KANK1: variants seen among roughly 807,000 people sequenced by gnomAD.
The protein encoded by KANK1 is KN motif and ankyrin repeat domains 1, also known as KN motif and ankyrin repeat domain-containing protein 1.
KANK1 carries 109 observed loss-of-function variants against 106.2 expected under a neutral mutation model. That is an observed-to-expected ratio of 1.03 (90% confidence interval 0.88 to 1.20). KANK1 has a LOEUF of 1.20. Ranked by LOEUF, KANK1 falls within the 50% of genes most tolerant of loss-of-function variation. The probability of loss-of-function intolerance (pLI) is 0.00; values close to 1 mark genes in which losing one functional copy is unlikely to be tolerated. For missense variants in KANK1, 2,399 were observed against 1,710.7 expected, an observed-to-expected ratio of 1.40 and a Z score of -7.10; for synonymous variants, 873 against 652.2, an observed-to-expected ratio of 1.34 and a Z score of -5.16.
At chr9:676,321 G>A (rs1038465870) in intron 1 of KANK1, among the ~76,000 whole-genome samples, 1 of 152,158 alleles carries the variant, frequency 6.6e-6, no homozygotes, top group African/African-American at 2.4e-5. Context: ...CACAGTGGGA[G>A]ATAATGAATT....
intron 2 of KANK1, chr9:686,690 G>T (rs1429591438): frequency 4.5e-6 from 4 of 897,936 alleles, no homozygotes; most frequent in African/African-American, 1.8e-5. Context: ...CTGTTTGGCA[G>T]TGTGAGGGGA....
At chr9:575,743 C>T (rs987845940) in intron 1 of KANK1, among the ~76,000 whole-genome samples, 8 of 152,120 alleles carry the variant, frequency 5.3e-5, no homozygotes, top group African/African-American at 1.4e-4. Context: ...TAAGCTTGGC[C>T]GGGCACAGTG....
rs114497155 is a variant in KANK1 at position 556,303 on chromosome 9, C to G, written c.-84+51549C>G. Among the ~76,000 whole-genome samples the G allele has an allele frequency of 3.0e-3, 456 of 152,164 alleles. 1 individual carries two copies. The highest frequency in any genetic ancestry group is 0.011 in the African/African-American group (443 of 41,494). ...ATATAAAACTTTTCTCTGTATGTGT[C>G]TGTATCTGATGCAGTTAGAAGTTCA... On this transcript the variant is annotated intron_variant, in intron 1 of 11. Transcript: ENST00000382297.
chr9:485,811 C>G (rs1444832391), intron 3 of KANK1, among the ~76,000 whole-genome samples: 1 of 148,008 alleles, frequency 6.8e-6, no homozygotes, highest in East Asian at 2.0e-4. Context: ...GCGGAGGCTG[C>G]AGTGAGCCAA....
chr9:586,368 T>C (rs1449243921), intron 1 of KANK1, among the ~76,000 whole-genome samples: 1 of 152,172 alleles, frequency 6.6e-6, no homozygotes, highest in Non-Finnish European at 1.5e-5. Flanking sequence ...TAGGCTGTGA[T>C]CTGCAGAGGG....
Position 711,312 on chromosome 9 carries a change from C to A in KANK1, c.546C>A (p.Pro182=). ...TGACACCGGGTGAGTTCAGAAGGCCCAGGCTGGCCAGTTTTGGAGGCATGG... is the reference window on the plus strand; with the variant it reads ...TGACACCGGGTGAGTTCAGAAGGCCAAGGCTGGCCAGTTTTGGAGGCATGG... ...MQMTPGEFRR[P]RLASFGGMGT... is the part of the protein sequence containing the mutation. The change falls in exon 3 of 12, where the codon CCC becomes CCA. Residue 182 remains proline (P), a synonymous_variant. Transcript: ENST00000382297. 6.2e-7 allele frequency: 1 copy of A among 1,614,166 alleles called. No individual in the cohort carries two copies. The highest frequency in any genetic ancestry group is 8.5e-7 in the Non-Finnish European group (1 of 1,180,042).
chr9:652,205 G>A (rs1377773242), intron 1 of KANK1, among the ~76,000 whole-genome samples: 1 of 152,146 alleles, frequency 6.6e-6, no homozygotes, highest in African/African-American at 2.4e-5. Context: ...AAAGCTATAT[G>A]TAGAAGTACA....
intron 1 of KANK1, among the ~76,000 whole-genome samples, chr9:628,802 G>T (rs1027130680): frequency 7.9e-5 from 12 of 152,032 alleles, no homozygotes; most frequent in Admixed American, 1.3e-4. Flanking sequence ...TCTTGGGCCG[G>T]GCATGGTGGC....
At chr9:511,577 C>A (rs943263977) in intron 1 of KANK1, among the ~76,000 whole-genome samples, 1 of 151,900 alleles carries the variant, frequency 6.6e-6, no homozygotes, top group Non-Finnish European at 1.5e-5. Flanking sequence ...GAGGCAGTCA[C>A]CTGTCCAGAC....
intron 1 of KANK1, among the ~76,000 whole-genome samples, chr9:662,436 G>T (rs9407341): frequency 1.3e-5 from 2 of 152,054 alleles, no homozygotes; most frequent in African/African-American, 2.4e-5. Context: ...ATACTACAAG[G>T]CTTCGGTAAC....
At chr9:669,402 A>G (rs1441265059) in intron 1 of KANK1, among the ~76,000 whole-genome samples, 3 of 152,194 alleles carry the variant, frequency 2.0e-5, no homozygotes, top group African/African-American at 7.2e-5. Context: ...CAGATCTAGT[A>G]GTGGTAAATT....
At chr9:687,321 A>G (rs1818807511) in intron 2 of KANK1, among the ~76,000 whole-genome samples, 2 of 152,076 alleles carry the variant, frequency 1.3e-5, no homozygotes, top group Non-Finnish European at 2.9e-5. Flanking sequence ...AGGATCATTG[A>G]GCTTTGTATT....
chr9:487,346 A>C (rs1436546165), intron 3 of KANK1, among the ~76,000 whole-genome samples: 1 of 152,202 alleles, frequency 6.6e-6, no homozygotes, highest in African/African-American at 2.4e-5. Flanking sequence ...TTTATTATAA[A>C]ATAGGTTTGT....
intron 1 of KANK1, among the ~76,000 whole-genome samples, chr9:517,961 C>G (rs1246004287): frequency 6.6e-6 from 1 of 151,422 alleles, no homozygotes; most frequent in Non-Finnish European, 1.5e-5. Flanking sequence ...TGGTCTTGAA[C>G]TCCTGACCTC....
At chr9:648,905 A>T (rs1840297578) in intron 1 of KANK1, among the ~76,000 whole-genome samples, 1 of 152,186 alleles carries the variant, frequency 6.6e-6, no homozygotes, top group African/African-American at 2.4e-5. Context: ...AAGTGAGGAA[A>T]ACAATGTACT....
At chr9:519,102 C>G (rs896036995) in intron 1 of KANK1, among the ~76,000 whole-genome samples, 4 of 151,586 alleles carry the variant, frequency 2.6e-5, no homozygotes, top group African/African-American at 9.8e-5. Context: ...GTTGGTCAGG[C>G]TGGTCTCAAA....
At chr9:519,695 A>G (rs900892665) in intron 1 of KANK1, among the ~76,000 whole-genome samples, 1 of 151,686 alleles carries the variant, frequency 6.6e-6, no homozygotes, top group Non-Finnish European at 1.5e-5. Context: ...TATAACCTCG[A>G]TCCTTGTTTT....
At position 650,845 on chromosome 9, in the gene KANK1, A is replaced by G. The variant is rs150287026; in HGVS notation, c.-83-26045A>G. ...TGTAATTCCAGTAACGGCTTATTTT[A>G]CATCTATTAAAGGCTACAAGGAAAG... On this transcript the variant is annotated intron_variant, in intron 1 of 11. Coordinates refer to ENST00000382297, the MANE Select transcript of KANK1 (RefSeq NM_015158.5). Among the ~76,000 whole-genome samples, 480 of 152,296 alleles carry G rather than the reference A, an allele frequency of 3.2e-3. 3 individuals are homozygous for G. Among genetic ancestry groups the G allele is most frequent in the African/African-American group, 0.011 (468 of 41,544 alleles).
chr9:489,138 G>GAAA (rs577910866), intron 3 of KANK1: 2 of 152,312 alleles, frequency 1.3e-5, no homozygotes, highest in South Asian at 2.1e-4. Context: ...AAAGTACTTG[G>GAAA]TGTGGGGAAG....
Sources: allele counts gnomAD v4.1 joint callset (sites outside exome capture counted in the v4.1 genomes callset), GRCh38; gene constraint gnomAD v4.1.1; transcripts MANE v1.5; gene names NCBI Gene and HGNC (gene_info 2026-07-23, HGNC 2026-07-21).